Variants in GPRASP3 observed in about 807,000 individuals in gnomAD.
GPRASP3 encodes G protein-coupled receptor associated sorting protein 3.
At chrX:102,746,337 G>A in the GPRASP3 span, among the ~76,000 whole-genome samples, 1 of 112,452 alleles carries the variant, frequency 8.9e-6, no homozygotes, top group Non-Finnish European at 1.9e-5. Flanking sequence ...GGGAGGCGGT[G>A]ACCGGTGCAG....
At chrX:102,730,821 C>CA in the GPRASP3 span, among the ~76,000 whole-genome samples, 1,526 of 100,132 alleles carry the variant, frequency 0.015, 25 homozygotes, top group African/African-American at 0.048. Flanking sequence ...TGCTTAGGAA[C>CA]AAAAAAAAAA....
At chrX:102,721,909 C>T in the GPRASP3 span, among the ~76,000 whole-genome samples, 5 of 111,517 alleles carry the variant, frequency 4.5e-5, no homozygotes, top group East Asian at 1.1e-3. Context: ...CATCGAGTAT[C>T]CTCCTTTCCC....
the GPRASP3 span, chrX:102,749,798 C>T: frequency 2.5e-6 from 3 of 1,211,527 alleles, no homozygotes; most frequent in Non-Finnish European, 3.4e-6. Flanking sequence ...TGCCGCCCTT[C>T]TAGGAACACT....
the GPRASP3 span, among the ~76,000 whole-genome samples, chrX:102,743,799 C>A: frequency 9.1e-6 from 1 of 109,482 alleles, no homozygotes; most frequent in East Asian, 2.9e-4. Flanking sequence ...TGTGCTGAGT[C>A]ACTTCTGGAT....
At chrX:102,742,671 A>G in the GPRASP3 span, among the ~76,000 whole-genome samples, 1 of 111,492 alleles carries the variant, frequency 9.0e-6, no homozygotes, top group Non-Finnish European at 1.9e-5. Flanking sequence ...TATTGGTTTG[A>G]GCCATAAAGA....
At chrX:102,736,813 G>A in the GPRASP3 span, among the ~76,000 whole-genome samples, 1 of 111,469 alleles carries the variant, frequency 9.0e-6, no homozygotes, top group Middle Eastern at 4.6e-3. Context: ...TTTCCTACCT[G>A]GTTATTACCA....
chrX:102,749,269 G>T, the GPRASP3 span: 2 of 1,211,356 alleles, frequency 1.7e-6, no homozygotes, highest in Non-Finnish European at 2.2e-6. Flanking sequence ...CACTCCCAAG[G>T]CTGGGAATGA....
the GPRASP3 span, chrX:102,752,294 CTA>C: frequency 5.7e-5 from 7 of 123,227 alleles, no homozygotes; most frequent in African/African-American, 2.0e-4. Context: ...ATGAAAGTTT[CTA>C]TGTGTGAAAA....
the GPRASP3 span, among the ~76,000 whole-genome samples, chrX:102,724,795 C>T: frequency 9.2e-6 from 1 of 108,295 alleles, no homozygotes; most frequent in Non-Finnish European, 1.9e-5. Flanking sequence ...TGACTTGTAG[C>T]GGGTAGAATC....
chrX:102,750,623 T>C, the GPRASP3 span: 8 of 1,166,972 alleles, frequency 6.9e-6, no homozygotes, highest in South Asian at 1.6e-4. Flanking sequence ...GTTAAAGAGA[T>C]TATTGAAACA....
At chrX:102,751,453 G>C in the GPRASP3 span, 2 of 122,857 alleles carry the variant, frequency 1.6e-5, no homozygotes, top group Non-Finnish European at 1.9e-5. Context: ...AATTAGAGAG[G>C]TTAAATACCT....
At chrX:102,732,585 A>G in the GPRASP3 span, among the ~76,000 whole-genome samples, 1 of 112,309 alleles carries the variant, frequency 8.9e-6, no homozygotes, top group Non-Finnish European at 1.9e-5. Context: ...CTAGATTCTA[A>G]TAGTAGGTAT....
the GPRASP3 span, chrX:102,749,806 A>G: frequency 2.5e-6 from 3 of 1,210,534 alleles, no homozygotes; most frequent in African/African-American, 1.7e-5. Context: ...TTCTAGGAAC[A>G]CTCGCTCATG....
the GPRASP3 span, among the ~76,000 whole-genome samples, chrX:102,729,836 C>T: frequency 1.8e-5 from 2 of 111,813 alleles, no homozygotes; most frequent in Non-Finnish European, 3.8e-5. Flanking sequence ...TGCCACTGCA[C>T]TCCAGCAAAT....
chrX:102,748,368 A>G, the GPRASP3 span, among the ~76,000 whole-genome samples: 1 of 111,219 alleles, frequency 9.0e-6, no homozygotes, highest in African/African-American at 3.3e-5. Context: ...GCCTGAATAC[A>G]CCTATGAGGT....
the GPRASP3 span, among the ~76,000 whole-genome samples, chrX:102,729,437 C>T: frequency 8.9e-6 from 1 of 112,101 alleles, no homozygotes; most frequent in South Asian, 3.7e-4. Flanking sequence ...TAGAACACTT[C>T]CTCTCCTCTG....
the GPRASP3 span, among the ~76,000 whole-genome samples, chrX:102,730,384 C>G: frequency 8.9e-6 from 1 of 112,604 alleles, no homozygotes; most frequent in African/African-American, 3.2e-5. Context: ...TGCTGTGTGA[C>G]CCAGTTCCTA....
At chrX:102,751,426 G>A in the GPRASP3 span, 9 of 122,673 alleles carry the variant, frequency 7.3e-5, no homozygotes, top group Non-Finnish European at 1.7e-4. Flanking sequence ...TCATTATTCT[G>A]GGTACCCTCC....
At chrX:102,750,310 C>CACT in the GPRASP3 span, 1 of 1,208,878 alleles carries the variant, frequency 8.3e-7, no homozygotes, top group African/African-American at 1.7e-5. Context: ...TTTTGTCCAT[C>CACT]ACTACATTGT....
Sources: gnomAD v4.1 joint callset for allele counts (sites outside exome capture counted in the v4.1 genomes callset) on GRCh38, gnomAD v4.1.1 for gene constraint, MANE v1.5 for transcripts, NCBI Gene and HGNC (gene_info 2026-07-23, HGNC 2026-07-21) for gene names.